The following MAPRE3 variants were observed in gnomAD, a reference collection of about 807,000 sequenced individuals.
MAPRE3 encodes microtubule-associated protein RP/EB family member 3.
A neutral mutation model predicts 30.5 loss-of-function variants in MAPRE3; 2 were observed. The observed-to-expected ratio is 0.07, with a 90% CI of 0.03 to 0.21. The LOEUF is 0.21. Ranked by LOEUF, MAPRE3 falls within the 10% of genes least tolerant of loss-of-function variation. The pLI, the probability that MAPRE3 is intolerant of heterozygous loss-of-function variation, is 1.00. For synonymous variants in MAPRE3, 110 were observed against 127.7 expected (o/e 0.86, Z 0.93); for missense variants, 204 against 351.8 (o/e 0.58, Z 3.36).
intron 1 of MAPRE3, among the ~76,000 whole-genome samples, chr2:26,979,389 C>A (rs1358103383): frequency 6.6e-6 from 1 of 152,098 alleles, no homozygotes; most frequent in East Asian, 1.9e-4. Flanking sequence ...AGTTCAAGAC[C>A]AGCCTCAGCA....
At chr2:26,979,223 TG>T (rs1666069675) in intron 1 of MAPRE3, among the ~76,000 whole-genome samples, 1 of 152,202 alleles carries the variant, frequency 6.6e-6, no homozygotes, top group Non-Finnish European at 1.5e-5. Context: ...TGGGTGTCAC[TG>T]GTACTACAGA....
At chr2:26,980,186 GAT>G (rs922084495) in intron 1 of MAPRE3, among the ~76,000 whole-genome samples, 3 of 152,180 alleles carry the variant, frequency 2.0e-5, no homozygotes, top group African/African-American at 7.2e-5. Flanking sequence ...GATTTAACTA[GAT>G]TTAAGGATTT....
chr2:27,022,485 G>C (rs1667128484), intron 2 of MAPRE3, 146 bp downstream of exon 2: 1 of 1,067,170 alleles, frequency 9.4e-7, no homozygotes, highest in Non-Finnish European at 1.4e-6. Flanking sequence ...AGGCGATGTT[G>C]TTGTTGTGTG....
intron 1 of MAPRE3, among the ~76,000 whole-genome samples, chr2:27,020,013 G>C (rs1667078355): frequency 6.6e-6 from 1 of 152,310 alleles, no homozygotes; most frequent in African/African-American, 2.4e-5. Context: ...AGTTAGGTCT[G>C]GGGGAGGACA....
intron 1 of MAPRE3, among the ~76,000 whole-genome samples, chr2:26,978,776 T>C (rs1666062281): frequency 6.6e-6 from 1 of 152,264 alleles, no homozygotes; most frequent in South Asian, 2.1e-4. Context: ...GCCCTTTCTC[T>C]GTTTTGTATT....
intron 1 of MAPRE3, chr2:26,984,657 C>A: frequency 6.6e-6 from 1 of 152,368 alleles, no homozygotes; most frequent in Non-Finnish European, 1.5e-5. Context: ...CTCCCTCTTC[C>A]CACCAGATTA....
In MAPRE3 at chr2:27,006,205, C is replaced by A. The variant is rs557799679; in HGVS notation, c.-7-16007C>A. Among the ~76,000 whole-genome samples, 1,347 of 148,648 alleles carry A rather than the reference C, an allele frequency of 9.1e-3. 19 individuals carry two copies. The highest frequency in any genetic ancestry group is 0.031 in the African/African-American group (1,235 of 40,424). On this transcript the variant is annotated intron_variant, in intron 1 of 6. Coordinates refer to ENST00000233121, the MANE Select transcript of MAPRE3 (RefSeq NM_012326.4). ...TCAAAAATAAAAACAAAAACAAAAA[C>A]AAAAAAAAAACAAGTGTGTGGAAGC...
intron 1 of MAPRE3, among the ~76,000 whole-genome samples, chr2:26,982,042 A>G (rs1353890903): frequency 1.3e-5 from 2 of 152,188 alleles, no homozygotes; most frequent in East Asian, 3.8e-4. Flanking sequence ...TGAGGGTTCC[A>G]GCCCTCATCT....
intron 3 of MAPRE3, 26 bp from the exon 4 acceptor site, chr2:27,024,070 T>C: frequency 6.3e-7 from 1 of 1,580,942 alleles, no homozygotes; most frequent in South Asian, 1.1e-5. Context: ...GTGGCTAAAG[T>C]ACTCTGCTTA....
intron 1 of MAPRE3, among the ~76,000 whole-genome samples, chr2:26,987,082 C>T (rs1666238692): frequency 6.6e-6 from 1 of 152,102 alleles, no homozygotes; most frequent in Non-Finnish European, 1.5e-5. Flanking sequence ...CCATTCTGCT[C>T]CTGCCTATCT....
At chr2:27,022,122 C>A in intron 1 of MAPRE3, 90 bp from the exon 2 acceptor site, 1 of 1,449,266 alleles carries the variant, frequency 6.9e-7, no homozygotes, top group Non-Finnish European at 9.3e-7. Context: ...ATGTTTCTTA[C>A]TTCCCAGTAT....
Position 27,023,493 on chromosome 2 carries a change from C to A in MAPRE3, c.267+16C>A. 1 of 1,613,354 alleles carries A rather than the reference C, an allele frequency of 6.2e-7. No homozygotes were observed. The highest frequency in any genetic ancestry group is 1.1e-5 in the South Asian group (1 of 90,998). On this transcript the variant is annotated intron_variant, in intron 3 of 6. Coordinates refer to ENST00000233121, the MANE Select transcript of MAPRE3 (RefSeq NM_012326.4). ...TGTTGACAAAGTAGGTGCCTGCGCT[C>A]TGGGGGGCCCTGAGGAGCAGTGTGA...
intron 1 of MAPRE3, among the ~76,000 whole-genome samples, chr2:27,007,813 G>A (rs895023875): frequency 1.3e-5 from 2 of 152,300 alleles, no homozygotes; most frequent in African/African-American, 2.4e-5. Flanking sequence ...ATCTACAACT[G>A]TAAAATATGC....
rs189945001 is a variant in MAPRE3 at position 26,980,271 on chromosome 2, T to C, written c.-8+9469T>C. On this transcript the variant is annotated intron_variant, in intron 1 of 6. Transcript: ENST00000233121. ...ACACTGGAGTGGTTTAAGGGGAAAA[T>C]TGACAGAGAAAAATAGAAGCAATGG... is the stretch of plus-strand genomic sequence containing the variant. Among the ~76,000 whole-genome samples, 4 of 152,086 alleles carry C rather than the reference T, an allele frequency of 2.6e-5. No individual in the cohort carries two copies. The East Asian group carries it at 7.7e-4, about 29-fold the overall frequency.
chr2:27,026,513 C>T lies in MAPRE3; in HGVS notation c.*165C>T. ...GGCTTGGGGGCATGGGGCCGGAAAG[C>T]AGGCAGAAGCCCGTCCTGGGTGGTG... is the stretch of plus-strand genomic sequence containing the variant. On this transcript the variant is annotated 3_prime_UTR_variant, in exon 7 of 7. Transcript: ENST00000233121. 3.4e-6 allele frequency: 2 copies of T among 592,874 alleles called. No individual in the cohort carries two copies. The highest frequency in any genetic ancestry group is 5.8e-6 in the Non-Finnish European group (2 of 344,526). 36.7% of individuals were successfully genotyped at this position (592,874 alleles called of 1,614,324 possible).
chr2:27,013,798 T>C (rs922298227), intron 1 of MAPRE3: 4 of 152,234 alleles, frequency 2.6e-5, no homozygotes, highest in African/African-American at 9.7e-5. Context: ...AAAGAAGATG[T>C]TGAGTCAGAT....
intron 1 of MAPRE3, among the ~76,000 whole-genome samples, chr2:27,001,480 TG>T (rs1666593180): frequency 6.6e-6 from 1 of 152,098 alleles, no homozygotes; most frequent in Non-Finnish European, 1.5e-5. Flanking sequence ...AACTCCAGTG[TG>T]GGTGAGACAG....
intron 1 of MAPRE3, among the ~76,000 whole-genome samples, chr2:27,003,295 G>A (rs946434152): frequency 6.6e-6 from 1 of 152,054 alleles, no homozygotes; most frequent in Non-Finnish European, 1.5e-5. Context: ...AAACAAATGA[G>A]CAATGAATCC....
At chr2:27,002,371 G>C (rs1297308941) in intron 1 of MAPRE3, among the ~76,000 whole-genome samples, 1 of 151,234 alleles carries the variant, frequency 6.6e-6, no homozygotes, top group Non-Finnish European at 1.5e-5. Flanking sequence ...AAAATTCCTA[G>C]AAGTGGAATT....
Sources: gnomAD v4.1 joint callset for allele counts (sites outside exome capture counted in the v4.1 genomes callset) on GRCh38, gnomAD v4.1.1 for gene constraint, MANE v1.5 for transcripts, NCBI Gene and HGNC (gene_info 2026-07-23, HGNC 2026-07-21) for gene names.